The following OPHN1 variants were observed in gnomAD, a reference collection of about 807,000 sequenced individuals.
OPHN1 encodes the protein oligophrenin 1.
OPHN1 carries 11 observed loss-of-function variants against 60.7 expected under a neutral mutation model. The ratio of observed to expected loss-of-function variants is 0.18; its 90% CI spans 0.11 to 0.30. The LOEUF (loss-of-function observed/expected upper bound fraction) is 0.30. OPHN1 is among the 10% of genes least tolerant of loss of function. The pLI is 1.00. For synonymous variants in OPHN1, 226 were observed against 222.6 expected, an observed-to-expected ratio of 1.02 and a Z score of -0.14; for missense variants, 449 against 611.0, an observed-to-expected ratio of 0.73 and a Z score of 2.80.
At chrX:68,341,670 C>CA (rs55808371) in intron 2 of OPHN1, among the ~76,000 whole-genome samples, 7 of 109,546 alleles carry the variant, frequency 6.4e-5, no homozygotes, top group African/African-American at 2.3e-4. Flanking sequence ...CCCGTCTCTA[C>CA]AAAAAAATAT....
At chrX:68,331,233 G>A (rs1224429482) in intron 2 of OPHN1, among the ~76,000 whole-genome samples, 1 of 105,157 alleles carries the variant, frequency 9.5e-6, no homozygotes, top group Non-Finnish European at 1.9e-5. Context: ...ATAATGTATT[G>A]TATTAATTAT....
At chrX:68,294,720 G>C (rs182573711) in intron 3 of OPHN1, among the ~76,000 whole-genome samples, 27 of 111,071 alleles carry the variant, frequency 2.4e-4, no homozygotes, top group African/African-American at 7.8e-4. Flanking sequence ...CTATGTAGCT[G>C]TGTGGTACCT....
chrX:68,279,331 G>A (rs931714625), intron 4 of OPHN1, among the ~76,000 whole-genome samples: 1 of 106,634 alleles, frequency 9.4e-6, no homozygotes, highest in Admixed American at 1.0e-4. Context: ...GGCTGCTCTT[G>A]AACTCCTGGC....
intron 2 of OPHN1, among the ~76,000 whole-genome samples, chrX:68,302,505 C>A (rs1324797238): frequency 9.1e-6 from 1 of 109,477 alleles, no homozygotes; most frequent in Non-Finnish European, 1.9e-5. Context: ...AGGAGAACCA[C>A]TTGAACCCGA....
intron 5 of OPHN1, among the ~76,000 whole-genome samples, chrX:68,251,463 C>A (rs928637218): frequency 4.6e-5 from 5 of 109,639 alleles, no homozygotes; most frequent in African/African-American, 1.7e-4. Flanking sequence ...CGATTACAGG[C>A]GAGAGCCACC....
chrX:68,113,060 T>C, intron 17 of OPHN1, 121 bp downstream of exon 17: 1 of 512,234 alleles, frequency 2.0e-6, no homozygotes, highest in South Asian at 2.9e-5. Context: ...GTGCATAATT[T>C]GTGTATGTGT....
chrX:68,097,033 C>T lies in OPHN1; in HGVS notation c.1527-4G>A, dbSNP rs1303205474. On this transcript the variant is annotated splice_region_variant and splice_polypyrimidine_tract_variant and intron_variant, in intron 18 of 24. Coordinates refer to ENST00000355520, the MANE Select transcript of OPHN1 (RefSeq NM_002547.3). ...CTCTTTGCTGTGCTCACACACACTG[C>T]CAGAAGAAAAGGGGCAAGATTAACA... The T allele has an allele frequency of 1.7e-6, 2 of 1,201,356 alleles. No individual in the cohort carries two copies. Among genetic ancestry groups the T allele is most frequent in the Admixed American group, 4.4e-5 (2 of 45,045 alleles).
At chrX:68,176,879 C>T (rs983129636) in intron 15 of OPHN1, among the ~76,000 whole-genome samples, 1 of 109,779 alleles carries the variant, frequency 9.1e-6, no homozygotes, top group African/African-American at 3.3e-5. Flanking sequence ...TCCATGTTTA[C>T]AGCAGTATTG....
intron 19 of OPHN1, among the ~76,000 whole-genome samples, chrX:68,090,414 A>G (rs1364114270): frequency 1.8e-5 from 2 of 111,258 alleles, no homozygotes; most frequent in Non-Finnish European, 3.8e-5. Flanking sequence ...TATTCCAGAA[A>G]TCAGTTGGAG....
chrX:68,235,774 C>T (rs1162679060), intron 5 of OPHN1, among the ~76,000 whole-genome samples: 1 of 110,477 alleles, frequency 9.1e-6, no homozygotes, highest in Non-Finnish European at 1.9e-5. Flanking sequence ...AGGAGAATTG[C>T]TTGAACCTGG....
At chrX:68,201,068 T>C (rs1272558866) in intron 11 of OPHN1, among the ~76,000 whole-genome samples, 1 of 111,694 alleles carries the variant, frequency 9.0e-6, no homozygotes, top group Non-Finnish European at 1.9e-5. Flanking sequence ...GTCCAAAATG[T>C]GCAAGCCTTA....
chrX:68,413,196 G>C (rs1358288840), intron 2 of OPHN1, among the ~76,000 whole-genome samples: 1 of 111,807 alleles, frequency 8.9e-6, no homozygotes, highest in African/African-American at 3.2e-5. Flanking sequence ...AATTACTTCT[G>C]TAACAACTAG....
chrX:68,304,460 A>T (rs1256107138), intron 2 of OPHN1, among the ~76,000 whole-genome samples: 1 of 111,065 alleles, frequency 9.0e-6, no homozygotes, highest in Non-Finnish European at 1.9e-5. Flanking sequence ...CTTTTTTTCA[A>T]GAAGGGTCTG....
intron 18 of OPHN1, among the ~76,000 whole-genome samples, chrX:68,100,657 A>G (rs902308856): frequency 1.3e-4 from 15 of 111,818 alleles, no homozygotes; most frequent in Admixed American, 4.7e-4. Flanking sequence ...AGGAAAAGAC[A>G]ATAGTGAAGG....
intron 15 of OPHN1, among the ~76,000 whole-genome samples, chrX:68,167,443 C>T (rs1477620945): frequency 1.8e-5 from 2 of 110,236 alleles, no homozygotes; most frequent in South Asian, 7.8e-4. Context: ...CTTGGAGGTT[C>T]CACAAAAAAT....
At chrX:68,090,894 CA>C (rs768049718) in intron 19 of OPHN1, among the ~76,000 whole-genome samples, 28 of 111,426 alleles carry the variant, frequency 2.5e-4, no homozygotes, top group Non-Finnish European at 9.4e-5. Flanking sequence ...CAAAAATAAT[CA>C]ACTATTCTCC....
At chrX:68,325,401 T>A (rs747957782) in intron 2 of OPHN1, among the ~76,000 whole-genome samples, 1 of 105,719 alleles carries the variant, frequency 9.5e-6, no homozygotes, top group East Asian at 3.1e-4. Flanking sequence ...CACATATATA[T>A]AAAAAATTAT....
chrX:68,329,245 A>C (rs984994031), intron 2 of OPHN1, among the ~76,000 whole-genome samples: 1 of 112,300 alleles, frequency 8.9e-6, no homozygotes, highest in Admixed American at 9.5e-5. Flanking sequence ...GAACAAATGG[A>C]TAAAGTGGAT....
At chrX:68,260,254 A>G (rs1229050035) in intron 5 of OPHN1, among the ~76,000 whole-genome samples, 1 of 110,095 alleles carries the variant, frequency 9.1e-6, no homozygotes, top group Non-Finnish European at 1.9e-5. Flanking sequence ...ATGGACTCAT[A>G]TAGCAGGTAA....
Sources: allele counts gnomAD v4.1 joint callset (sites outside exome capture counted in the v4.1 genomes callset), GRCh38; gene constraint gnomAD v4.1.1; transcripts MANE v1.5; gene names NCBI Gene and HGNC (gene_info 2026-07-23, HGNC 2026-07-21).